SORBS3: variants seen among roughly 807,000 people sequenced by gnomAD.
SORBS3 encodes sorbin and SH3 domain containing 3.
SORBS3 carries 69 observed loss-of-function variants against 98.0 expected under a neutral mutation model. The ratio of observed to expected loss-of-function variants is 0.70; its 90% CI spans 0.58 to 0.86. The LOEUF is 0.86. SORBS3 is among the 40% of genes least tolerant of loss of function. SORBS3 has a pLI of 0.00. For missense variants in SORBS3, 954 were observed against 908.5 expected (o/e 1.05, Z -0.64); for synonymous variants, 394 against 355.4 (o/e 1.11, Z -1.22).
At position 22,566,412 on chromosome 8, in the gene SORBS3, C is replaced by T. The variant is rs1218186850; in HGVS notation, c.1018C>T (p.Pro340Ser). ...CCTGGGTTCCGCCCGGTCCCTGAGTCCCCACAAAATGGCTGATGGAGGAAG... is the reference window on the plus strand; with the variant it reads ...CCTGGGTTCCGCCCGGTCCCTGAGTTCCCACAAAATGGCTGATGGAGGAAG... ...PYLGSARSLS[P>S]HKMADGGSPF... The change falls in exon 13 of 21, where the codon CCC becomes TCC. Residue 340 changes from proline to serine, a missense_variant. Coordinates refer to ENST00000240123, the MANE Select transcript of SORBS3 (RefSeq NM_005775.5). 12 of 1,613,956 alleles carry T rather than the reference C, an allele frequency of 7.4e-6. No homozygotes were observed. The highest frequency in any genetic ancestry group is 1.1e-5 in the South Asian group (1 of 91,090).
rs1840632842 is a variant in SORBS3, at chr8:22,573,111, C to T, written c.1954+665C>T. Among the ~76,000 whole-genome samples, 3 of 149,910 alleles carry T rather than the reference C, an allele frequency of 2.0e-5. No individual in the cohort carries two copies. The South Asian group carries it at 6.3e-4, about 32-fold the overall frequency. ...TGAAGCCTGAGGAGTTGGGGGGCTG[C>T]TTGGGCAGCCCCTTGACCTGGCAGC... is the stretch of plus-strand genomic sequence containing the variant. On this transcript the variant is annotated intron_variant, in intron 20 of 20. Transcript: ENST00000240123.
Position 22,575,040 on chromosome 8 carries a change from C to CA in SORBS3, c.*313dup, listed in dbSNP as rs1840697943. ...GACCAGACCCCAAGTCCCCCACCCC[C>CA]ATCCTGCTCCAGCGTTTCCTCTAAC... On this transcript the variant is annotated 3_prime_UTR_variant, in exon 21 of 21. Transcript: ENST00000240123. The CA allele has an allele frequency of 1.9e-6, 1 of 538,378 alleles. No homozygotes were observed. Among genetic ancestry groups the CA allele is most frequent in the Admixed American group, 2.3e-5 (1 of 42,830 alleles). 33.4% of individuals were successfully genotyped at this position (538,378 alleles called of 1,614,324 possible). A position where few individuals can be genotyped will look rare whatever the true frequency, so the allele number is the denominator to read the frequency against.
intron 1 of SORBS3, among the ~76,000 whole-genome samples, chr8:22,546,684 G>A (rs1840019184): frequency 1.3e-5 from 2 of 152,344 alleles, no homozygotes; most frequent in Non-Finnish European, 2.9e-5. Flanking sequence ...GTAATTTAAT[G>A]ACTGTGCATG....
chr8:22,567,105 A>G lies in SORBS3; in HGVS notation c.1235A>G (p.Glu412Gly). 1 of 1,613,256 alleles carries G rather than the reference A, an allele frequency of 6.2e-7. No individual in the cohort carries two copies. Among genetic ancestry groups the G allele is most frequent in the Non-Finnish European group, 8.5e-7 (1 of 1,179,744 alleles). The change falls in exon 16 of 21, where the codon GAG becomes GGG. Residue 412 changes from glutamate to glycine, a missense_variant. Coordinates refer to ENST00000240123, the MANE Select transcript of SORBS3 (RefSeq NM_005775.5). ...GGTGACATTGTCTACATCCACAAGG[A>G]GGTGGACAAGAACTGGCTGGAGGGA... Reference protein sequence around the residue: ...QKGDIVYIHKEVDKNWLEGEH... With the variant: ...QKGDIVYIHKGVDKNWLEGEH...
At position 22,554,978 on chromosome 8, in the gene SORBS3, CG is replaced by C; in HGVS notation, c.220+1del. ...YTPRRDASQHPDPAWYQTWPG... is the reference protein window; with the variant it reads ...YTPRRDASQHXDPAWYQTWPG... ...CCAAGACGAGATGCTTCCCAGCACC[CG>C]GGTAGGTCTGCTCAGGAGCCTCATG... is the stretch of plus-strand genomic sequence containing the variant. On this transcript the variant is annotated frameshift_variant and splice_region_variant, in exon 3 of 21. Transcript: ENST00000240123. LOFTEE classifies it high-confidence loss of function. The surrounding 1 kb of genome is among the most constrained non-coding windows in gnomAD (Gnocchi z 6.5). 6.2e-7 allele frequency: 1 copy of C among 1,612,400 alleles called. No homozygotes were observed. Among genetic ancestry groups the C allele is most frequent in the Non-Finnish European group, 8.5e-7 (1 of 1,178,978 alleles).
Position 22,564,519 on chromosome 8 carries a change from G to A in SORBS3, c.814G>A (p.Glu272Lys), listed in dbSNP as rs866981175. Residue 272 changes from glutamate to lysine, a missense_variant and splice_region_variant, in exon 10 of 21, where the codon GAG (glutamate) becomes AAG (lysine). Glu to Lys is a moderately conservative substitution (Grantham distance 56). Coordinates refer to ENST00000240123, the MANE Select transcript of SORBS3 (RefSeq NM_005775.5). ...TGGTGAGAAGCCCTCCCAGCCCATT[G>A]AGGTGAGTGCTGCAGGGTGCTGGGG... ...DPGEKPSQPIEVLLERELAEL... is the reference protein window; with the variant it reads ...DPGEKPSQPIKVLLERELAEL... 1.2e-6 allele frequency: 2 copies of A among 1,614,038 alleles called. No homozygotes were observed. Among genetic ancestry groups the A allele is most frequent in the Middle Eastern group, 1.6e-4 (1 of 6,062 alleles).
Position 22,566,356 on chromosome 8 carries a change from C to T in SORBS3, c.962C>T (p.Ala321Val). Reference sequence around the variant, plus strand: ...TGTGCCCCGTGCAGCCCGGCCTCAGCCTGGAGCTCCAGCTACCCACATGCA... The same window carrying T: ...TGTGCCCCGTGCAGCCCGGCCTCAGTCTGGAGCTCCAGCTACCCACATGCA... ...EQRPPAGPAS[A>V]WSSSYPHAPY... The change falls in exon 13 of 21, where the codon GCC becomes GTC. Residue 321 changes from alanine to valine, a missense_variant. Ala to Val is a moderately conservative substitution (Grantham distance 64, BLOSUM62 0). Transcript: ENST00000240123. The T allele has an allele frequency of 6.2e-7, 1 of 1,613,534 alleles. No homozygotes were observed. The highest frequency in any genetic ancestry group is 1.1e-5 in the South Asian group (1 of 91,070).
At chr8:22,565,104 G>T (rs1022874751) in intron 10 of SORBS3, 164 bp from the exon 11 acceptor site, 1 of 1,447,832 alleles carries the variant, frequency 6.9e-7, no homozygotes, top group African/African-American at 1.4e-5. Flanking sequence ...TGCCCTCTTG[G>T]CACCCTGGGC....
At chr8:22,566,173 C>A in intron 12 of SORBS3, 172 bp from the exon 13 acceptor site, 1 of 906,216 alleles carries the variant, frequency 1.1e-6, no homozygotes, top group Non-Finnish European at 1.6e-6. Context: ...CCTCACCCTT[C>A]CCCGCGCAGC....
chr8:22,552,761 G>T (rs1840108394), intron 1 of SORBS3, among the ~76,000 whole-genome samples: 1 of 152,204 alleles, frequency 6.6e-6, no homozygotes, highest in Non-Finnish European at 1.5e-5. Flanking sequence ...GAGGGGTGCT[G>T]CGAGGAGCCG....
rs760539231 is a variant in SORBS3 at position 22,571,722 on chromosome 8, T to C, written c.1748T>C (p.Leu583Pro). The C allele has an allele frequency of 6.2e-7, 1 of 1,613,180 alleles. No homozygotes were observed. The highest frequency in any genetic ancestry group is 1.7e-5 in the Admixed American group (1 of 60,016). Reference sequence around the variant, plus strand: ...TTTCTTCCTGTCAACTCCCAGAATCTTGGCACCCCTGGTCCAGCTCTGTCC... The same window carrying C: ...TTTCTTCCTGTCAACTCCCAGAATCCTGGCACCCCTGGTCCAGCTCTGTCC... ...TQEPRPQTQN[L>P]GTPGPALSHS... The change falls in exon 19 of 21, where the codon CTT becomes CCT. Residue 583 changes from leucine to proline, a missense_variant. Coordinates refer to ENST00000240123, the MANE Select transcript of SORBS3 (RefSeq NM_005775.5).
At position 22,565,304 on chromosome 8, in the gene SORBS3, G is replaced by C. The variant is rs866087112; in HGVS notation, c.853G>C (p.Glu285Gln). 1 of 1,559,000 alleles carries C rather than the reference G, an allele frequency of 6.4e-7. No individual in the cohort carries two copies. Among genetic ancestry groups the C allele is most frequent in the Non-Finnish European group, 8.7e-7 (1 of 1,151,862 alleles). The change falls in exon 11 of 21, where the codon GAG becomes CAG. Residue 285 changes from glutamate to glutamine, a missense_variant. Glu to Gln is a conservative substitution (Grantham distance 29). Coordinates refer to ENST00000240123, the MANE Select transcript of SORBS3 (RefSeq NM_005775.5). ...LERELAELSAELDKDLRAIET... is the reference protein window; with the variant it reads ...LERELAELSAQLDKDLRAIET... ...GAGAGAGCTGGCCGAGCTGAGCGCC[G>C]AGCTGGACAAGGACCTGCGGGCAAT...
chr8:22,567,859 T>C (rs1840466145), intron 16 of SORBS3, among the ~76,000 whole-genome samples: 2 of 151,754 alleles, frequency 1.3e-5, no homozygotes, highest in African/African-American at 4.8e-5. Context: ...TTTTTTTTTT[T>C]TTTGGAGAGA....
intron 10 of SORBS3, chr8:22,564,841 C>T (rs758938532): frequency 2.5e-5 from 32 of 1,304,434 alleles, no homozygotes; most frequent in Non-Finnish European, 3.0e-5. Context: ...CGGCGAAGAC[C>T]CATAGCAGAG....
At position 22,554,919 on chromosome 8, in the gene SORBS3, C is replaced by G. The variant is rs139970508; in HGVS notation, c.159C>G (p.Pro53=). 9 of 1,613,624 alleles carry G rather than the reference C, an allele frequency of 5.6e-6. No homozygotes were observed. Among genetic ancestry groups the G allele is most frequent in the Non-Finnish European group, 6.8e-6 (8 of 1,179,996 alleles). Reference sequence around the variant, plus strand: ...CCCTTAATTTCCAGTTCCACGACCCCGCGCCCAGGACTGTGTGCAATGGGG... The same window carrying G: ...CCCTTAATTTCCAGTTCCACGACCCGGCGCCCAGGACTGTGTGCAATGGGG... The part of the protein sequence containing the change: ...SNTLNFQFHD[P]APRTVCNGGY... Residue 53 remains proline, a synonymous_variant, in exon 3 of 21, where the codon CCC becomes CCG. Transcript: ENST00000240123. This position sits in a 1 kb window ranked among gnomAD's most constrained non-coding sequence, Gnocchi z 6.5.
At chr8:22,565,139 C>T (rs1313435521) in intron 10 of SORBS3, 129 bp from the exon 11 acceptor site, 8 of 1,475,656 alleles carry the variant, frequency 5.4e-6, no homozygotes, top group Non-Finnish European at 7.2e-6. Context: ...GGAGCCCGGC[C>T]CGTGCGCTGA....
intron 7 of SORBS3, 131 bp downstream of exon 7, chr8:22,562,062 T>C: frequency 3.8e-6 from 3 of 790,480 alleles, no homozygotes; most frequent in Non-Finnish European, 6.4e-6. Flanking sequence ...CTCACTTCCG[T>C]GTCCGTCTGG....
In SORBS3 at chr8:22,561,917, A is replaced by G; in HGVS notation, c.570A>G (p.Ala190=). The change falls in exon 7 of 21, where the codon GCA becomes GCG. Residue 190 remains alanine (A), a synonymous_variant. Coordinates refer to ENST00000240123, the MANE Select transcript of SORBS3 (RefSeq NM_005775.5). ...QQRPAHRPGP[A]TSSSGRSWDH... Reference sequence around the variant, plus strand: ...GACCTGCCCACAGGCCCGGCCCGGCAACATCTTCCAGTGGGTGAGCACAGT... The same window carrying G: ...GACCTGCCCACAGGCCCGGCCCGGCGACATCTTCCAGTGGGTGAGCACAGT... 6.2e-7 allele frequency: 1 copy of G among 1,613,984 alleles called. No homozygotes were observed. The highest frequency in any genetic ancestry group is 1.1e-5 in the South Asian group (1 of 91,076).
At chr8:22,565,767 C>T in intron 11 of SORBS3, 59 bp from the exon 12 acceptor site, 1 of 1,297,192 alleles carries the variant, frequency 7.7e-7, no homozygotes, top group Non-Finnish European at 9.8e-7. Context: ...GAGGCGGCGG[C>T]CTCGGCTGCC....
Sources: gnomAD v4.1 joint callset for allele counts (sites outside exome capture counted in the v4.1 genomes callset) on GRCh38, gnomAD v4.1.1 for gene constraint, Gnocchi (gnomAD v3.1) non-coding constraint, MANE v1.5 for transcripts, NCBI Gene and HGNC (gene_info 2026-07-23, HGNC 2026-07-21) for gene names.